EVL: variants seen among roughly 807,000 people sequenced by gnomAD.
EVL encodes Enah/Vasp-like, also known as ena/VASP-like protein.
A neutral mutation model predicts 59.6 loss-of-function variants in EVL; 21 were observed. The ratio of observed to expected loss-of-function variants is 0.35; its 90% confidence interval spans 0.25 to 0.51. EVL has a LOEUF of 0.51. Among genes scored for constraint, EVL ranks in the 20% least tolerant of loss-of-function variants. The pLI, the probability that EVL is intolerant of heterozygous loss-of-function variation, is 0.97. For missense variants in EVL, 462 were observed against 546.6 expected (o/e 0.85, Z 1.54); for synonymous variants, 198 against 203.5 (o/e 0.97, Z 0.23).
rs113604631 is a variant in EVL at position 100,142,403 on chromosome 14, C to T, written c.1219+610C>T. Among the ~76,000 whole-genome samples, 1,181 of 152,290 alleles carry T rather than the reference C, an allele frequency of 7.8e-3. 18 individuals carry two copies. Among genetic ancestry groups the T allele is most frequent in the African/African-American group, 0.027 (1,132 of 41,550 alleles). ...CCCAGCAGAGCCTTTGAATGCTCTG[C>T]CTCAGATCTGCAGCCAGAGGAAAAG... On this transcript the variant is annotated intron_variant, in intron 13 of 13. Coordinates refer to ENST00000392920, the MANE Select transcript of EVL (RefSeq NM_016337.3).
chr14:100,143,815 C>T lies in EVL; in HGVS notation c.*77C>T. On this transcript the variant is annotated 3_prime_UTR_variant, in exon 14 of 14. Transcript: ENST00000392920. ...AGCCAGAAGCCCAGCCAGCCCCAGA[C>T]TCCAGTGCACCAGAGCACGCACAGG... is the stretch of plus-strand genomic sequence containing the variant. The T allele has an allele frequency of 2.6e-6, 4 of 1,548,342 alleles. No individual in the cohort carries two copies. Among genetic ancestry groups the T allele is most frequent in the Non-Finnish European group, 2.6e-6 (3 of 1,137,258 alleles).
exon 1 of EVL, chr14:99,971,954 G>A (rs949682455): frequency 1.4e-5 from 2 of 146,406 alleles, no homozygotes; most frequent in Admixed American, 6.8e-5. Flanking sequence ...CCGCGCCCGG[G>A]GCCGGCTCCC....
At chr14:100,063,256 G>A (rs1232736407), upstream of EVL, among the ~76,000 whole-genome samples, 2 of 152,178 alleles carry the variant, frequency 1.3e-5, no homozygotes, top group Admixed American at 6.5e-5. Context: ...TGTCCACACC[G>A]CGGTCAGAAA....
chr14:100,131,901 C>T (rs977110138), intron 7 of EVL, among the ~76,000 whole-genome samples: 1 of 152,134 alleles, frequency 6.6e-6, no homozygotes, highest in Admixed American at 6.5e-5. Flanking sequence ...AAGGGGGCCC[C>T]TGCTGTAGCT....
chr14:100,008,277 G>A (rs971806347), intron 1 of EVL, among the ~76,000 whole-genome samples: 2 of 152,138 alleles, frequency 1.3e-5, no homozygotes, highest in African/African-American at 2.4e-5. Flanking sequence ...GGATGACCCC[G>A]CTTTTGAGAG....
At chr14:100,103,388 T>C (rs1276243143) in intron 3 of EVL, among the ~76,000 whole-genome samples, 1 of 152,076 alleles carries the variant, frequency 6.6e-6, no homozygotes, top group East Asian at 1.9e-4. Flanking sequence ...CTGGAATGTT[T>C]TCTTACCATC....
intron 2 of EVL, among the ~76,000 whole-genome samples, chr14:100,086,858 A>G (rs2062454692): frequency 1.3e-5 from 2 of 152,340 alleles, no homozygotes; most frequent in African/African-American, 4.8e-5. Flanking sequence ...CCCCACATGG[A>G]TGGGGCATGT....
intron 1 of EVL, among the ~76,000 whole-genome samples, chr14:100,075,445 T>C (rs550619853): frequency 1.5e-4 from 23 of 152,342 alleles, no homozygotes; most frequent in Non-Finnish European, 2.4e-4. Context: ...AGTCAGGACT[T>C]TACAAACTGC....
At chr14:100,086,133 G>A (rs1019843163) in intron 2 of EVL, among the ~76,000 whole-genome samples, 1 of 152,160 alleles carries the variant, frequency 6.6e-6, no homozygotes, top group African/African-American at 2.4e-5. Context: ...CGAAAAGATA[G>A]TCTTTCTAAC....
chr14:100,011,866 A>G (rs1369839233), intron 1 of EVL, among the ~76,000 whole-genome samples: 1 of 152,214 alleles, frequency 6.6e-6, no homozygotes, highest in Non-Finnish European at 1.5e-5. Context: ...TAATAGTACT[A>G]CTGTTGACTT....
At chr14:100,002,552 G>A (rs1328590800) in intron 1 of EVL, among the ~76,000 whole-genome samples, 1 of 152,034 alleles carries the variant, frequency 6.6e-6, no homozygotes, top group Non-Finnish European at 1.5e-5. Flanking sequence ...CCCAAAGAAA[G>A]CCAAACAGCA....
chr14:99,999,728 A>G (rs1038956915), intron 1 of EVL, among the ~76,000 whole-genome samples: 42 of 152,154 alleles, frequency 2.8e-4, no homozygotes, highest in Admixed American at 2.7e-3. Flanking sequence ...TTCTGCAGAG[A>G]GATGTCTGTG....
At chr14:100,076,347 C>T (rs2062160669) in intron 1 of EVL, among the ~76,000 whole-genome samples, 1 of 152,224 alleles carries the variant, frequency 6.6e-6, no homozygotes, top group Non-Finnish European at 1.5e-5. Context: ...GTCATCTACA[C>T]TGTGGTCTTG....
chr14:99,980,916 A>G (rs764006984), intron 1 of EVL, among the ~76,000 whole-genome samples: 3 of 152,222 alleles, frequency 2.0e-5, no homozygotes, highest in Non-Finnish European at 4.4e-5. Context: ...TTATATAAAC[A>G]TAAGACATTT....
At chr14:100,028,425 A>G (rs1033279801) in intron 1 of EVL, among the ~76,000 whole-genome samples, 10 of 152,272 alleles carry the variant, frequency 6.6e-5, no homozygotes, top group African/African-American at 9.6e-5. Context: ...AAATCAGAAT[A>G]TATGTTTTCT....
At chr14:100,055,963 C>T (rs564437475) in intron 1 of EVL, among the ~76,000 whole-genome samples, 1 of 152,184 alleles carries the variant, frequency 6.6e-6, no homozygotes, top group African/African-American at 2.4e-5. Flanking sequence ...AGGTGCATGC[C>T]ACCACACCCT....
At chr14:100,061,013 G>C (rs2061818801), upstream of EVL, among the ~76,000 whole-genome samples, 1 of 147,572 alleles carries the variant, frequency 6.8e-6, no homozygotes, top group South Asian at 2.1e-4. Context: ...TTCACAAAAA[G>C]TGCTTTGAAG....
chr14:100,083,465 A>G (rs1196262514), intron 1 of EVL, among the ~76,000 whole-genome samples: 1 of 152,186 alleles, frequency 6.6e-6, no homozygotes, highest in Non-Finnish European at 1.5e-5. Flanking sequence ...AAAAGAAATA[A>G]ACGAGTATTG....
At chr14:100,137,331 C>T in intron 9 of EVL, 1 of 559,224 alleles carries the variant, frequency 1.8e-6, no homozygotes, top group East Asian at 3.0e-5. Flanking sequence ...AGCAGGCTCA[C>T]ATTCCAGAGA....
Sources: allele counts gnomAD v4.1 joint callset (sites outside exome capture counted in the v4.1 genomes callset), GRCh38; gene constraint gnomAD v4.1.1; transcripts MANE v1.5; gene names NCBI Gene and HGNC (gene_info 2026-07-23, HGNC 2026-07-21).